SNTG1: variants seen among roughly 807,000 people sequenced by gnomAD.
SNTG1 encodes the protein syntrophin gamma 1.
SNTG1 carries 39 observed loss-of-function variants against 74.7 expected under a neutral mutation model. That is an observed-to-expected ratio of 0.52 (90% CI 0.40 to 0.68). The LOEUF (loss-of-function observed/expected upper bound fraction) is 0.68, where lower values mean the gene tolerates loss of function less well. SNTG1 is among the 30% of genes least tolerant of loss of function. SNTG1 has a pLI of 0.00. For missense variants in SNTG1, 685 were observed against 609.5 expected (o/e 1.12, Z -1.30); for synonymous variants, 254 against 217.1 (o/e 1.17, Z -1.49).
intron 2 of SNTG1, among the ~76,000 whole-genome samples, chr8:50,244,949 C>T (rs1481753744): frequency 6.6e-6 from 1 of 152,134 alleles, no homozygotes; most frequent in African/African-American, 2.4e-5. Flanking sequence ...TTTTATTGTA[C>T]AGTTTAAAGT....
chr8:50,587,525 G>A (rs1380316277), intron 12 of SNTG1, among the ~76,000 whole-genome samples: 1 of 149,682 alleles, frequency 6.7e-6, no homozygotes, highest in Non-Finnish European at 1.5e-5. Flanking sequence ...ATGTTAGACT[G>A]TTAAAAATTA....
At chr8:50,278,375 ATGTC>A (rs1048220022) in intron 2 of SNTG1, among the ~76,000 whole-genome samples, 11 of 152,104 alleles carry the variant, frequency 7.2e-5, no homozygotes, top group African/African-American at 2.4e-4. Flanking sequence ...TTTGTACTTT[ATGTC>A]TGTCTGTTGG....
chr8:50,042,709 G>A (rs955251241), intron 1 of SNTG1, among the ~76,000 whole-genome samples: 2 of 151,768 alleles, frequency 1.3e-5, no homozygotes, highest in Non-Finnish European at 2.9e-5. Flanking sequence ...GGCACATGCT[G>A]ACATGCCTGG....
chr8:50,383,397 A>G (rs1388046900), intron 2 of SNTG1, among the ~76,000 whole-genome samples: 1 of 152,244 alleles, frequency 6.6e-6, no homozygotes, highest in Non-Finnish European at 1.5e-5. Flanking sequence ...ATAAGGGAAT[A>G]AAGAAGGGAA....
At chr8:50,637,791 A>G (rs1243138199) in intron 13 of SNTG1, among the ~76,000 whole-genome samples, 3 of 152,138 alleles carry the variant, frequency 2.0e-5, no homozygotes, top group Non-Finnish European at 4.4e-5. Flanking sequence ...TCTAAAATAC[A>G]TATCTTTATC....
chr8:50,524,283 G>T lies in SNTG1; in HGVS notation c.467-5894G>T, dbSNP rs552876813. Among the ~76,000 whole-genome samples, 3 of 152,052 alleles carry T rather than the reference G, an allele frequency of 2.0e-5. No homozygotes were observed. The South Asian group carries it at 6.2e-4, about 32-fold the overall frequency. On this transcript the variant is annotated intron_variant, in intron 9 of 18. Coordinates refer to ENST00000642720, the MANE Select transcript of SNTG1 (RefSeq NM_018967.5). ...TATACCATATATTGGTTTCAAGTTA[G>T]TGTCTCTGTTGGGGAATGAAATATA...
At chr8:49,921,201 A>C (rs1044562336) in intron 1 of SNTG1, among the ~76,000 whole-genome samples, 3 of 152,092 alleles carry the variant, frequency 2.0e-5, no homozygotes, top group Non-Finnish European at 4.4e-5. Flanking sequence ...AATATCTTTC[A>C]AAAGTAAGAA....
At chr8:50,397,119 T>C (rs1244322497) in intron 3 of SNTG1, among the ~76,000 whole-genome samples, 1 of 152,224 alleles carries the variant, frequency 6.6e-6, no homozygotes, top group Non-Finnish European at 1.5e-5. Context: ...ATTTTACTTA[T>C]ATCATTTTTA....
intron 2 of SNTG1, among the ~76,000 whole-genome samples, chr8:50,290,722 T>G (rs746903781): frequency 6.6e-6 from 1 of 152,296 alleles, no homozygotes; most frequent in East Asian, 1.9e-4. Flanking sequence ...TGTACTCATT[T>G]AAACATTTTT....
At chr8:50,449,837 C>A in intron 6 of SNTG1, 112 bp downstream of exon 6, 6 of 952,560 alleles carry the variant, frequency 6.3e-6, no homozygotes, top group Non-Finnish European at 8.8e-6. Flanking sequence ...GCTCCAGCTT[C>A]CCCACCTTCA....
intron 3 of SNTG1, among the ~76,000 whole-genome samples, chr8:50,398,562 T>C (rs1463047294): frequency 6.6e-6 from 1 of 152,214 alleles, no homozygotes; most frequent in East Asian, 1.9e-4. Context: ...CCCTCATGAA[T>C]ATTAAATTCC....
Position 50,532,576 on chromosome 8 carries a change from A to T in SNTG1, c.549+2317A>T. Among the ~76,000 whole-genome samples the T allele has an allele frequency of 1.3e-5, 2 of 152,244 alleles. 1 individual carries two copies. The highest frequency in any genetic ancestry group is 2.9e-5 in the Non-Finnish European group (2 of 68,038). On this transcript the variant is annotated intron_variant, in intron 10 of 18. Coordinates refer to ENST00000642720, the MANE Select transcript of SNTG1 (RefSeq NM_018967.5). ...TGTGCTTTGTTGCTCGCACGGGAGC[A>T]TTAACCTGCAATGGTAATCAGACCG...
chr8:50,291,651 G>A (rs1309719570), intron 2 of SNTG1, among the ~76,000 whole-genome samples: 4 of 152,112 alleles, frequency 2.6e-5, no homozygotes, highest in African/African-American at 9.7e-5. Context: ...TTGAAAAGGA[G>A]TAATATGATA....
chr8:50,061,073 A>T (rs572280698), intron 1 of SNTG1, among the ~76,000 whole-genome samples: 1 of 152,136 alleles, frequency 6.6e-6, no homozygotes, highest in Non-Finnish European at 1.5e-5. Flanking sequence ...AATGAGTTGG[A>T]AAATGATCTC....
intron 1 of SNTG1, among the ~76,000 whole-genome samples, chr8:50,133,075 T>C (rs546316344): frequency 6.6e-6 from 1 of 152,288 alleles, no homozygotes; most frequent in African/African-American, 2.4e-5. Flanking sequence ...TCTCTTTTTC[T>C]CACATTTTAC....
intron 2 of SNTG1, among the ~76,000 whole-genome samples, chr8:50,223,937 A>G (rs1195507323): frequency 1.3e-5 from 2 of 152,174 alleles, no homozygotes; most frequent in Admixed American, 6.5e-5. Context: ...ACATTCATCT[A>G]TGTAGAAAAT....
chr8:50,784,290 G>C (rs2095668368), intron 18 of SNTG1, among the ~76,000 whole-genome samples: 1 of 152,094 alleles, frequency 6.6e-6, no homozygotes, highest in Admixed American at 6.5e-5. Flanking sequence ...TAGAGAAGTA[G>C]AATTATCCAA....
At chr8:50,481,651 A>C (rs1461287495) in intron 8 of SNTG1, among the ~76,000 whole-genome samples, 1 of 152,180 alleles carries the variant, frequency 6.6e-6, no homozygotes, top group African/African-American at 2.4e-5. Flanking sequence ...TTGGATTTCT[A>C]TTACTCTAGA....
At chr8:50,170,504 A>T (rs1435486527) in intron 1 of SNTG1, among the ~76,000 whole-genome samples, 1 of 152,198 alleles carries the variant, frequency 6.6e-6, no homozygotes, top group African/African-American at 2.4e-5. Context: ...CATGTATGAC[A>T]TATGTGGGGA....
Sources: gnomAD v4.1 joint callset for allele counts (sites outside exome capture counted in the v4.1 genomes callset) on GRCh38, gnomAD v4.1.1 for gene constraint, MANE v1.5 for transcripts, NCBI Gene and HGNC (gene_info 2026-07-23, HGNC 2026-07-21) for gene names.